PLPPR1: variants seen among roughly 807,000 people sequenced by gnomAD.
PLPPR1 encodes the protein phospholipid phosphatase related 1.
In PLPPR1, 10 loss-of-function variants were observed where a neutral mutation model predicts 33.1. The observed-to-expected ratio is 0.30, with a 90% CI of 0.19 to 0.51. PLPPR1 has a LOEUF of 0.51. Ranked by LOEUF, PLPPR1 falls within the 20% of genes least tolerant of loss-of-function variation. PLPPR1 has a pLI of 0.97. For synonymous variants in PLPPR1, 151 were observed against 151.0 expected (o/e 1.00, Z 0.00); for missense variants, 304 against 408.1 (o/e 0.74, Z 2.20).
intron 2 of PLPPR1, among the ~76,000 whole-genome samples, chr9:101,267,986 C>A (rs796956962): frequency 6.6e-6 from 1 of 152,060 alleles, no homozygotes; most frequent in Non-Finnish European, 1.5e-5. Flanking sequence ...CCATCATTCT[C>A]AGCAAACTAT....
At chr9:101,118,784 GC>G (rs1366245460) in intron 1 of PLPPR1, among the ~76,000 whole-genome samples, 4 of 152,096 alleles carry the variant, frequency 2.6e-5, no homozygotes, top group Non-Finnish European at 4.4e-5. Context: ...CTTGGCTCTT[GC>G]CACATCGTGA....
At chr9:101,098,559 T>C (rs745979831) in intron 1 of PLPPR1, among the ~76,000 whole-genome samples, 6 of 151,964 alleles carry the variant, frequency 3.9e-5, no homozygotes, top group African/African-American at 7.3e-5. Context: ...AGGCTAAAGA[T>C]GTGGAGCCCC....
intron 2 of PLPPR1, among the ~76,000 whole-genome samples, chr9:101,200,364 C>T (rs1175066462): frequency 6.6e-6 from 1 of 152,072 alleles, no homozygotes; most frequent in Non-Finnish European, 1.5e-5. Flanking sequence ...GTGATCCCAT[C>T]CAACATGTTT....
chr9:101,146,844 A>G (rs1260183598), intron 1 of PLPPR1, among the ~76,000 whole-genome samples: 1 of 152,216 alleles, frequency 6.6e-6, no homozygotes, highest in African/African-American at 2.4e-5. Context: ...GAGATGCTTT[A>G]TATTGCGATA....
intron 1 of PLPPR1, among the ~76,000 whole-genome samples, chr9:101,084,183 C>T (rs1830651561): frequency 6.6e-6 from 1 of 152,180 alleles, no homozygotes; most frequent in Admixed American, 6.5e-5. Flanking sequence ...AGGAGTAACA[C>T]AGTCTGTGCT....
intron 1 of PLPPR1, among the ~76,000 whole-genome samples, chr9:101,035,826 C>G (rs951034688): frequency 1.3e-5 from 2 of 152,096 alleles, no homozygotes; most frequent in Non-Finnish European, 2.9e-5. Context: ...GTTACCTAGT[C>G]AGACTTTCAA....
At chr9:101,066,731 C>A (rs947128704) in intron 1 of PLPPR1, among the ~76,000 whole-genome samples, 2 of 151,946 alleles carry the variant, frequency 1.3e-5, no homozygotes, top group African/African-American at 2.4e-5. Flanking sequence ...TACTTTCTGG[C>A]ACTAAAAGGT....
chr9:101,139,092 C>T (rs1023493463), intron 1 of PLPPR1, among the ~76,000 whole-genome samples: 82 of 152,032 alleles, frequency 5.4e-4, no homozygotes, highest in African/African-American at 1.9e-3. Flanking sequence ...ATACCAATGT[C>T]TTCAAAGGGT....
At chr9:101,091,848 C>T (rs995592924) in intron 1 of PLPPR1, among the ~76,000 whole-genome samples, 4 of 152,130 alleles carry the variant, frequency 2.6e-5, no homozygotes, top group Non-Finnish European at 5.9e-5. Flanking sequence ...CCTTTCTTGT[C>T]TTGACTTGCA....
At chr9:101,158,316 A>G (rs1311218818) in intron 1 of PLPPR1, among the ~76,000 whole-genome samples, 1 of 152,148 alleles carries the variant, frequency 6.6e-6, no homozygotes, top group East Asian at 1.9e-4. Flanking sequence ...GGGTTTCATC[A>G]CAGTGAGGAA....
intron 1 of PLPPR1, among the ~76,000 whole-genome samples, chr9:101,120,477 G>A (rs1274837939): frequency 1.3e-5 from 2 of 152,160 alleles, no homozygotes; most frequent in African/African-American, 4.8e-5. Flanking sequence ...ATTGGCTAGA[G>A]CCTCACTTCC....
chr9:101,056,252 A>T (rs1370815256), intron 1 of PLPPR1, among the ~76,000 whole-genome samples: 1 of 152,188 alleles, frequency 6.6e-6, no homozygotes, highest in Non-Finnish European at 1.5e-5. Flanking sequence ...TGTAAGGCAG[A>T]TGTTATTGAC....
intron 1 of PLPPR1, among the ~76,000 whole-genome samples, chr9:101,166,151 C>G (rs1032334803): frequency 6.6e-6 from 1 of 152,220 alleles, no homozygotes; most frequent in Non-Finnish European, 1.5e-5. Context: ...CATCACTGCA[C>G]GTCCACATTG....
chr9:101,278,664 G>T (rs1828241632), intron 3 of PLPPR1, among the ~76,000 whole-genome samples: 2 of 152,132 alleles, frequency 1.3e-5, no homozygotes, highest in Admixed American at 1.3e-4. Flanking sequence ...AGGCAGGCTG[G>T]CAGGCACCCA....
chr9:101,099,271 C>T (rs1210770424), intron 1 of PLPPR1, among the ~76,000 whole-genome samples: 1 of 152,062 alleles, frequency 6.6e-6, no homozygotes, highest in African/African-American at 2.4e-5. Flanking sequence ...TTCTAATGTC[C>T]CTCCTAGCCC....
chr9:101,218,955 C>T (rs1246013732), intron 2 of PLPPR1, among the ~76,000 whole-genome samples: 1 of 152,124 alleles, frequency 6.6e-6, no homozygotes, highest in Non-Finnish European at 1.5e-5. Context: ...TTAAAGCTGC[C>T]ACCAGATACA....
chr9:101,245,674 GTTC>G (rs1199611309), intron 2 of PLPPR1, among the ~76,000 whole-genome samples: 1 of 151,856 alleles, frequency 6.6e-6, no homozygotes, highest in Non-Finnish European at 1.5e-5. Context: ...TCTTACCCAG[GTTC>G]TTTTGTTTTC....
At chr9:101,264,752 G>T (rs1000324326) in intron 2 of PLPPR1, among the ~76,000 whole-genome samples, 1 of 152,084 alleles carries the variant, frequency 6.6e-6, no homozygotes, top group African/African-American at 2.4e-5. Flanking sequence ...GTCTGTGCTT[G>T]GTTCATTGTT....
At chr9:101,071,537 T>C (rs1299425424) in intron 1 of PLPPR1, among the ~76,000 whole-genome samples, 1 of 151,836 alleles carries the variant, frequency 6.6e-6, no homozygotes, top group East Asian at 1.9e-4. Flanking sequence ...GTGTGTGGAT[T>C]CATCCTCCTT....
Sources: gnomAD v4.1 joint callset for allele counts (sites outside exome capture counted in the v4.1 genomes callset) on GRCh38, gnomAD v4.1.1 for gene constraint, MANE v1.5 for transcripts, NCBI Gene and HGNC (gene_info 2026-07-23, HGNC 2026-07-21) for gene names.